RAPGEF5: variants seen among roughly 807,000 people sequenced by gnomAD.
RAPGEF5 encodes M-Ras-regulated GEF.
A neutral mutation model predicts 125.2 loss-of-function variants in RAPGEF5; 65 were observed. That is an observed-to-expected ratio of 0.52 (90% CI 0.43 to 0.64). The LOEUF is 0.64. Ranked by LOEUF, RAPGEF5 falls within the 30% of genes least tolerant of loss-of-function variation. RAPGEF5 has a pLI of 0.00. For synonymous variants in RAPGEF5, 391 were observed against 385.9 expected (o/e 1.01, Z -0.16); for missense variants, 958 against 1,048.1 (o/e 0.91, Z 1.19).
intron 1 of RAPGEF5, among the ~76,000 whole-genome samples, chr7:22,341,966 G>C (rs533146306): frequency 6.6e-6 from 1 of 152,324 alleles, no homozygotes; most frequent in East Asian, 1.9e-4. Context: ...CTAGGTGGTA[G>C]AGAGCTGTCC....
In RAPGEF5 at chr7:22,122,530, T is replaced by C. The variant is rs755354064; in HGVS notation, c.2537-9A>G. On this transcript the variant is annotated splice_polypyrimidine_tract_variant and intron_variant, in intron 25 of 25. Transcript: ENST00000665637. ...TTTTGGAGACAGGTCACCTGTTGTTTAGAGGGGGAAAAAAGACAATCTCAG... is the reference window on the plus strand; with the variant it reads ...TTTTGGAGACAGGTCACCTGTTGTTCAGAGGGGGAAAAAAGACAATCTCAG... 1 of 1,594,712 alleles carries C rather than the reference T, an allele frequency of 6.3e-7. No homozygotes were observed. Among genetic ancestry groups the C allele is most frequent in the Non-Finnish European group, 8.6e-7 (1 of 1,163,192 alleles).
chr7:22,267,182 C>T (rs1782303717), intron 6 of RAPGEF5, among the ~76,000 whole-genome samples, 170 bp from the exon 7 acceptor site: 1 of 151,988 alleles, frequency 6.6e-6, no homozygotes, highest in South Asian at 2.1e-4. Flanking sequence ...ATGGAAAAAC[C>T]TCTGCATATA....
chr7:22,345,319 C>T (rs1389790862), intron 1 of RAPGEF5, among the ~76,000 whole-genome samples: 1 of 152,168 alleles, frequency 6.6e-6, no homozygotes, highest in African/African-American at 2.4e-5. Context: ...CCAGTAAGAT[C>T]TCTTTCAGCT....
At chr7:22,182,890 A>T (rs1221837015) in intron 11 of RAPGEF5, among the ~76,000 whole-genome samples, 1 of 152,250 alleles carries the variant, frequency 6.6e-6, no homozygotes, top group Non-Finnish European at 1.5e-5. Context: ...ATCCTACGTC[A>T]AAGAGATTAT....
intron 3 of RAPGEF5, among the ~76,000 whole-genome samples, chr7:22,312,856 T>G (rs578043676): frequency 6.6e-6 from 1 of 152,208 alleles, no homozygotes; most frequent in Non-Finnish European, 1.5e-5. Context: ...TGAGGTGGTG[T>G]TGTCTCTGCA....
At chr7:22,299,958 G>A (rs901587242) in intron 5 of RAPGEF5, among the ~76,000 whole-genome samples, 1 of 152,158 alleles carries the variant, frequency 6.6e-6, no homozygotes, top group African/African-American at 2.4e-5. Context: ...ATCTAGGAGT[G>A]TGTTTCTCTG....
chr7:22,308,371 A>G lies in RAPGEF5; in HGVS notation c.648T>C (p.Pro216=). ...NGVKLLLQLV[P]LIPARGGICE... is the part of the protein sequence containing the mutation. ...AGATGCCACCTCTGGCAGGAATGAG[A>G]GGCACAAGTTGCAGTAAAAGCTTGA... The change falls in exon 5 of 26, where the codon CCT becomes CCC. Residue 216 remains proline, a synonymous_variant. Transcript: ENST00000665637. The G allele has an allele frequency of 6.3e-7, 1 of 1,589,916 alleles. No individual in the cohort carries two copies. Among genetic ancestry groups the G allele is most frequent in the South Asian group, 1.2e-5 (1 of 86,926 alleles).
At chr7:22,155,316 GA>G (rs1783770202) in intron 16 of RAPGEF5, among the ~76,000 whole-genome samples, 2 of 152,164 alleles carry the variant, frequency 1.3e-5, no homozygotes, top group South Asian at 4.1e-4. Flanking sequence ...AATGGGTCCT[GA>G]AAAATGTTTT....
At chr7:22,163,273 A>G (rs894986713) in intron 12 of RAPGEF5, among the ~76,000 whole-genome samples, 1 of 151,722 alleles carries the variant, frequency 6.6e-6, no homozygotes, top group Non-Finnish European at 1.5e-5. Context: ...AAAAAAGGAA[A>G]TAACCTAAAT....
Position 22,278,150 on chromosome 7 carries a change from C to T in RAPGEF5, c.748-11138G>A, listed in dbSNP as rs542546539. Among the ~76,000 whole-genome samples, 5 of 152,130 alleles carry T rather than the reference C, an allele frequency of 3.3e-5. No individual in the cohort carries two copies. The South Asian group carries it at 8.3e-4, about 25-fold the overall frequency. The stretch of plus-strand genomic sequence containing the variant: ...CTTTACAACTTTCTCCTGTTGTACC[C>T]AAAAGTCCCAACCAGTGCCCCAAAT... On this transcript the variant is annotated intron_variant, in intron 6 of 25. Transcript: ENST00000665637.
chr7:22,247,204 TTGACCCAGCA>T (rs1345212287), intron 7 of RAPGEF5, among the ~76,000 whole-genome samples: 1 of 152,196 alleles, frequency 6.6e-6, no homozygotes, highest in African/African-American at 2.4e-5. Flanking sequence ...GAACTACCAT[TTGACCCAGCA>T]ATCCCATTAC....
chr7:22,193,604 C>A (rs201538900), intron 10 of RAPGEF5, 149 bp from the exon 11 acceptor site: 1 of 1,550,932 alleles, frequency 6.4e-7, no homozygotes, highest in Non-Finnish European at 8.7e-7. Flanking sequence ...GAGAGCGCCG[C>A]GGCGGAATCT....
rs565339690 is a variant in RAPGEF5 at position 22,314,479 on chromosome 7, A to G, written c.389+891T>C. On this transcript the variant is annotated intron_variant, in intron 3 of 25. Transcript: ENST00000665637. ...CCATGATAAAATTTTTTCCATCTCCAGCAAACAGAAAAAACAGAAATATTA... is the reference window on the plus strand; with the variant it reads ...CCATGATAAAATTTTTTCCATCTCCGGCAAACAGAAAAAACAGAAATATTA... 5.7e-6 allele frequency: 3 copies of G among 529,658 alleles called. No individual in the cohort carries two copies. The Admixed American group carries it at 1.9e-4, about 34-fold the overall frequency. 32.8% of individuals were successfully genotyped at this position (529,658 alleles called of 1,614,324 possible). A position where few individuals can be genotyped will look rare whatever the true frequency, so the allele number is the denominator to read the frequency against.
intron 5 of RAPGEF5, among the ~76,000 whole-genome samples, chr7:22,295,893 C>A (rs1783049357): frequency 6.6e-6 from 1 of 152,000 alleles, no homozygotes; most frequent in Non-Finnish European, 1.5e-5. Flanking sequence ...CAGACTTGAA[C>A]TTAAGCTCTC....
chr7:22,226,418 T>C (rs188272003), intron 8 of RAPGEF5, among the ~76,000 whole-genome samples: 2 of 152,212 alleles, frequency 1.3e-5, no homozygotes, highest in Admixed American at 1.3e-4. Flanking sequence ...AAACAGAAAA[T>C]ATTAAGAATT....
chr7:22,171,443 T>G (rs1293626090), intron 11 of RAPGEF5, among the ~76,000 whole-genome samples: 7 of 152,248 alleles, frequency 4.6e-5, no homozygotes, highest in Admixed American at 1.3e-4. Flanking sequence ...TCTAACTTTG[T>G]GAATACCTAA....
chr7:22,158,541 G>GA (rs1332659468), intron 14 of RAPGEF5, among the ~76,000 whole-genome samples: 2 of 151,408 alleles, frequency 1.3e-5, no homozygotes, highest in South Asian at 2.1e-4. Context: ...TGGGGCTAGA[G>GA]AAAAAAAAGT....
chr7:22,327,203 A>G (rs1562530384), intron 1 of RAPGEF5, among the ~76,000 whole-genome samples: 1 of 152,250 alleles, frequency 6.6e-6, no homozygotes, highest in South Asian at 2.1e-4. Context: ...AATCTTGCAC[A>G]TAACACTCTC....
At chr7:22,219,004 G>A (rs1785710568) in intron 9 of RAPGEF5, among the ~76,000 whole-genome samples, 1 of 152,110 alleles carries the variant, frequency 6.6e-6, no homozygotes, top group South Asian at 2.1e-4. Flanking sequence ...ACTTGGAGGA[G>A]AAAAAGCATG....
Sources: allele counts gnomAD v4.1 joint callset (sites outside exome capture counted in the v4.1 genomes callset), GRCh38; gene constraint gnomAD v4.1.1; transcripts MANE v1.5; gene names NCBI Gene and HGNC (gene_info 2026-07-23, HGNC 2026-07-21).